The following OGFOD3 variants were observed in gnomAD, a reference collection of about 807,000 sequenced individuals.
OGFOD3 encodes the protein 2-oxoglutarate and iron dependent oxygenase domain containing 3.
OGFOD3 carries 35 observed loss-of-function variants against 39.8 expected under a neutral mutation model. That is an observed-to-expected ratio of 0.88 (90% CI 0.67 to 1.17). The LOEUF is 1.17. OGFOD3 is among the 50% of genes most tolerant of loss of function. OGFOD3 has a pLI of 0.00. For synonymous variants in OGFOD3, 200 were observed against 192.0 expected, an observed-to-expected ratio of 1.04 and a Z score of -0.34; for missense variants, 438 against 454.5, an observed-to-expected ratio of 0.96 and a Z score of 0.33.
intron 3 of OGFOD3, among the ~76,000 whole-genome samples, chr17:82,410,368 A>G (rs1183442109): frequency 6.6e-6 from 1 of 152,268 alleles, no homozygotes; most frequent in African/African-American, 2.4e-5. Context: ...TATCGTCTCA[A>G]CAAGTGGTTG....
In OGFOD3 at chr17:82,415,284, G is replaced by A; in HGVS notation, c.304+114C>T. The stretch of plus-strand genomic sequence containing the variant: ...CTAGCCAGCCTGCAGGAGGGGAGAG[G>A]TTGTCTGCTACCCCCAAGCATACCA... On this transcript the variant is annotated intron_variant, in intron 2 of 8. Transcript: ENST00000313056. This position sits in a 1 kb window ranked among gnomAD's most constrained non-coding sequence, Gnocchi z 5.3. 3.7e-6 allele frequency: 4 copies of A among 1,068,754 alleles called. No individual in the cohort carries two copies. Among genetic ancestry groups the A allele is most frequent in the Non-Finnish European group, 5.6e-6 (4 of 716,002 alleles). The allele number at this position is 1,068,754 out of a possible 1,614,324, so 66.2% of individuals were successfully genotyped here. A position where few individuals can be genotyped will look rare whatever the true frequency, so the allele number is the denominator to read the frequency against.
At position 82,406,585 on chromosome 17, in the gene OGFOD3, C is replaced by A; in HGVS notation, c.424-103G>T. The A allele has an allele frequency of 1.1e-6, 1 of 952,020 alleles. No individual in the cohort carries two copies. Among genetic ancestry groups the A allele is most frequent in the Non-Finnish European group, 1.7e-6 (1 of 589,764 alleles). The allele number at this position is 952,020 out of a possible 1,614,324, so 59.0% of individuals were successfully genotyped here. A position where few individuals can be genotyped will look rare whatever the true frequency, so the allele number is the denominator to read the frequency against. The stretch of plus-strand genomic sequence containing the variant: ...GAGTTTCCAAGGTCTGGCCAGCACA[C>A]ACCTCAGGTGTTTTTTTGTTTTTGT... On this transcript the variant is annotated intron_variant, in intron 4 of 8. Coordinates refer to ENST00000313056, the MANE Select transcript of OGFOD3 (RefSeq NM_024648.3). The surrounding 1 kb of genome is among the most constrained non-coding windows in gnomAD (Gnocchi z 5.2).
chr17:82,399,180 A>G (rs947322924), intron 7 of OGFOD3, among the ~76,000 whole-genome samples: 1 of 152,200 alleles, frequency 6.6e-6, no homozygotes, highest in African/African-American at 2.4e-5. Flanking sequence ...TGTCGGCCCC[A>G]TTAATGAGGC....
chr17:82,398,366 C>A, intron 7 of OGFOD3, 47 bp from the exon 8 acceptor site: 5 of 1,609,524 alleles, frequency 3.1e-6, no homozygotes, highest in Non-Finnish European at 4.2e-6. Flanking sequence ...TCTCAGCATG[C>A]GACCAGGGCA....
At position 82,415,236 on chromosome 17, in the gene OGFOD3, C is replaced by G. The variant is rs535216415; in HGVS notation, c.304+162G>C. Reference sequence around the variant, plus strand: ...CAGTGATGGGCAGGGCGCGAAACACCTGCACTCCCAGTCAGACGTGGACTA... The same window carrying G: ...CAGTGATGGGCAGGGCGCGAAACACGTGCACTCCCAGTCAGACGTGGACTA... On this transcript the variant is annotated intron_variant, in intron 2 of 8. Transcript: ENST00000313056. This position sits in a 1 kb window ranked among gnomAD's most constrained non-coding sequence, Gnocchi z 5.3. 7.2e-5 allele frequency among the ~76,000 whole-genome samples: 11 copies of G among 152,308 alleles called. No individual in the cohort carries two copies. The highest frequency in any genetic ancestry group is 2.0e-4 in the Admixed American group (3 of 15,292).
In OGFOD3 at chr17:82,406,524, T is replaced by C. The variant is rs1469470541; in HGVS notation, c.424-42A>G. The C allele has an allele frequency of 1.3e-6, 2 of 1,530,902 alleles. No homozygotes were observed. The highest frequency in any genetic ancestry group is 2.2e-5 in the East Asian group (1 of 44,446). The allele number at this position is 1,530,902 out of a possible 1,614,324, so 94.8% of individuals were successfully genotyped here. A position where few individuals can be genotyped will look rare whatever the true frequency, so the allele number is the denominator to read the frequency against. On this transcript the variant is annotated intron_variant, in intron 4 of 8. Coordinates refer to ENST00000313056, the MANE Select transcript of OGFOD3 (RefSeq NM_024648.3). The surrounding 1 kb of genome is among the most constrained non-coding windows in gnomAD (Gnocchi z 5.2). ...GGAGTAAAGCGTGCAGCCGCAGCAATGGCAATGGCTGTTAAAAGTCATGGA... is the reference window on the plus strand; with the variant it reads ...GGAGTAAAGCGTGCAGCCGCAGCAACGGCAATGGCTGTTAAAAGTCATGGA...
At chr17:82,409,615 T>C (rs1392753056) in intron 3 of OGFOD3, among the ~76,000 whole-genome samples, 1 of 152,192 alleles carries the variant, frequency 6.6e-6, no homozygotes, top group African/African-American at 2.4e-5. Context: ...GTCTTGTCAA[T>C]ATTTGACTCA....
At chr17:82,409,286 TG>T in intron 4 of OGFOD3, 81 bp downstream of exon 4, 1 of 1,434,220 alleles carries the variant, frequency 7.0e-7, no homozygotes. Context: ...GAACCCTGCA[TG>T]TCTGTGCCTT....
intron 7 of OGFOD3, among the ~76,000 whole-genome samples, chr17:82,399,152 A>C (rs1176241780): frequency 6.6e-6 from 1 of 152,180 alleles, no homozygotes; most frequent in Non-Finnish European, 1.5e-5. Flanking sequence ...ATTTTCCAGA[A>C]GGTAAATTAA....
In OGFOD3 at chr17:82,403,876, T is replaced by TACCCACGG. The variant is rs1567869970; in HGVS notation, c.699+60_699+61insCCGTGGGT. The TACCCACGG allele has an allele frequency of 2.7e-5, 42 of 1,528,516 alleles. No individual in the cohort carries two copies. The African/African-American group carries it at 5.1e-4, about 18-fold the overall frequency. 94.7% of individuals were successfully genotyped at this position (1,528,516 alleles called of 1,614,324 possible). A position where few individuals can be genotyped will look rare whatever the true frequency, so the allele number is the denominator to read the frequency against. ...ACCCTGCCCACGTGCGCACTCACCG[T>TACCCACGG]GCCCACGGGCACGCTCACCTTGTCC... On this transcript the variant is annotated intron_variant, in intron 7 of 8. Coordinates refer to ENST00000313056, the MANE Select transcript of OGFOD3 (RefSeq NM_024648.3).
Position 82,406,168 on chromosome 17 carries a change from C to T in OGFOD3, c.488+250G>A, listed in dbSNP as rs1018673873. On this transcript the variant is annotated intron_variant, in intron 5 of 8. Coordinates refer to ENST00000313056, the MANE Select transcript of OGFOD3 (RefSeq NM_024648.3). The surrounding 1 kb of genome is among the most constrained non-coding windows in gnomAD (Gnocchi z 5.2). ...CCTTCTGTCCCTGGGCCCACAAAAACACCAGATTCCCCTAAAGCTTCATGA... is the reference window on the plus strand; with the variant it reads ...CCTTCTGTCCCTGGGCCCACAAAAATACCAGATTCCCCTAAAGCTTCATGA... Among the ~76,000 whole-genome samples, 1 of 152,168 alleles carries T rather than the reference C, an allele frequency of 6.6e-6. No homozygotes were observed. The highest frequency in any genetic ancestry group is 2.4e-5 in the African/African-American group (1 of 41,442).
intron 2 of OGFOD3, among the ~76,000 whole-genome samples, chr17:82,413,292 C>T (rs79180666): frequency 0.075 from 11,431 of 152,186 alleles, 465 homozygotes; most frequent in African/African-American, 0.098. Context: ...GGCACAGGAG[C>T]GACTCGGCAG....
rs145236071 is a variant in OGFOD3 at position 82,411,489 on chromosome 17, C to T, written c.346G>A (p.Val116Ile). 8 of 1,614,016 alleles carry T rather than the reference C, an allele frequency of 5.0e-6. No individual in the cohort carries two copies. Among genetic ancestry groups the T allele is most frequent in the Non-Finnish European group, 6.8e-6 (8 of 1,180,016 alleles). ...CGCTCCGCTTCCTCCCTGGTGATGA[C>T]GACATCGGTGACACCTCTGCCGCAC... The part of the protein sequence containing the change: ...RKCGRGVTDV[V>I]ITREEAERIR... The change falls in exon 3 of 9, where the codon GTC becomes ATC. Residue 116 changes from valine to isoleucine, a missense_variant. Transcript: ENST00000313056.
chr17:82,396,176 C>G (rs1272242151), intron 8 of OGFOD3, among the ~76,000 whole-genome samples: 1 of 151,230 alleles, frequency 6.6e-6, no homozygotes, highest in African/African-American at 2.4e-5. Context: ...CGCAGGTAAA[C>G]ACATAGATAC....
chr17:82,417,737 G>C (rs928978171), intron 1 of OGFOD3, among the ~76,000 whole-genome samples: 4 of 151,958 alleles, frequency 2.6e-5, no homozygotes, highest in African/African-American at 9.7e-5. Flanking sequence ...CAAACTATGA[G>C]GTTTAAGAGT....
rs1413616473 is a variant in OGFOD3, at chr17:82,415,277, G to C, written c.304+121C>G. On this transcript the variant is annotated intron_variant, in intron 2 of 8. Transcript: ENST00000313056. This position sits in a 1 kb window ranked among gnomAD's most constrained non-coding sequence, Gnocchi z 5.3. The stretch of plus-strand genomic sequence containing the variant: ...ACGTGGACTAGCCAGCCTGCAGGAG[G>C]GGAGAGGTTGTCTGCTACCCCCAAG... The C allele has an allele frequency of 1.0e-6, 1 of 976,410 alleles. No homozygotes were observed. Among genetic ancestry groups the C allele is most frequent in the Non-Finnish European group, 1.6e-6 (1 of 634,600 alleles). 60.5% of individuals were successfully genotyped at this position (976,410 alleles called of 1,614,324 possible).
chr17:82,403,264 G>A (rs2052795144), intron 7 of OGFOD3, among the ~76,000 whole-genome samples: 1 of 152,112 alleles, frequency 6.6e-6, no homozygotes, highest in South Asian at 2.1e-4. Flanking sequence ...ACCATCAAAT[G>A]AGAAATTTTA....
chr17:82,407,148 CCAGCTA>C (rs1599697713), intron 4 of OGFOD3, among the ~76,000 whole-genome samples: 1 of 152,048 alleles, frequency 6.6e-6, no homozygotes, highest in Non-Finnish European at 1.5e-5. Context: ...AGCTGTAATC[CCAGCTA>C]CTTGGGAGGC....
intron 8 of OGFOD3, among the ~76,000 whole-genome samples, chr17:82,394,723 C>T (rs939374169): frequency 1.3e-5 from 2 of 152,186 alleles, no homozygotes; most frequent in African/African-American, 4.8e-5. Flanking sequence ...CCTAGGGCCA[C>T]ACCAGATGGT....
Sources: gnomAD v4.1 joint callset for allele counts (sites outside exome capture counted in the v4.1 genomes callset) on GRCh38, gnomAD v4.1.1 for gene constraint, Gnocchi (gnomAD v3.1) non-coding constraint, MANE v1.5 for transcripts, NCBI Gene and HGNC (gene_info 2026-07-23, HGNC 2026-07-21) for gene names.